Variants in ADAM7 observed in about 807,000 individuals in gnomAD.
ADAM7 encodes ADAM metallopeptidase domain 7.
Under a neutral mutation model 102.9 loss-of-function variants are expected in ADAM7, and 97 were observed. The ratio of observed to expected loss-of-function variants is 0.94; its 90% CI spans 0.80 to 1.12. The LOEUF (loss-of-function observed/expected upper bound fraction) is 1.12, where lower values mean the gene tolerates loss of function less well. Among genes scored for constraint, ADAM7 ranks in the 50% most tolerant of loss-of-function variants. ADAM7 has a pLI of 0.00. For synonymous variants in ADAM7, 334 were observed against 304.4 expected (o/e 1.10, Z -1.01); for missense variants, 991 against 908.7 (o/e 1.09, Z -1.16).
chr8:24,486,102 T>A (rs1051268538), intron 10 of ADAM7, among the ~76,000 whole-genome samples: 11 of 152,216 alleles, frequency 7.2e-5, no homozygotes, highest in African/African-American at 2.7e-4. Context: ...ATCTGATATA[T>A]GCTGTTAGAT....
intron 12 of ADAM7, chr8:24,490,570 T>G (rs1382996159): frequency 2.7e-5 from 13 of 478,754 alleles, no homozygotes; most frequent in Admixed American, 1.8e-4. Flanking sequence ...TCTAATTCTG[T>G]CAATGAGAAT....
intron 3 of ADAM7, among the ~76,000 whole-genome samples, chr8:24,458,842 T>C (rs1486033041): frequency 3.3e-5 from 5 of 152,184 alleles, no homozygotes; most frequent in African/African-American, 1.2e-4. Flanking sequence ...AAGTATTCTG[T>C]CTGAATCCAT....
chr8:24,441,162 T>C lies in ADAM7; in HGVS notation c.52+2T>C, dbSNP rs770032416. Reference sequence around the variant, plus strand: ...TTTTACTCATTCCTCAGGTTAAAGGTATGTCTTGCTCTTTTTATCAGGACT... The same window carrying C: ...TTTTACTCATTCCTCAGGTTAAAGGCATGTCTTGCTCTTTTTATCAGGACT... On this transcript the variant is annotated splice_donor_variant, in intron 1 of 21. Transcript: ENST00000175238. LOFTEE classifies it high-confidence loss of function. 6.2e-7 allele frequency: 1 copy of C among 1,611,284 alleles called. No homozygotes were observed. Among genetic ancestry groups the C allele is most frequent in the Admixed American group, 1.7e-5 (1 of 60,010 alleles).
chr8:24,490,990 A>G (rs1820328541), intron 13 of ADAM7, 102 bp downstream of exon 13: 1 of 1,146,664 alleles, frequency 8.7e-7, no homozygotes, highest in African/African-American at 1.6e-5. Context: ...ACTGACTCCA[A>G]AATGAAGCTA....
intron 20 of ADAM7, among the ~76,000 whole-genome samples, chr8:24,502,615 A>T (rs778046506): frequency 6.6e-6 from 1 of 152,092 alleles, no homozygotes; most frequent in Non-Finnish European, 1.5e-5. Context: ...GAAAAACCTT[A>T]TTTTAATAGT....
At chr8:24,503,025 ATAG>A (rs1820816364) in intron 20 of ADAM7, among the ~76,000 whole-genome samples, 2 of 152,184 alleles carry the variant, frequency 1.3e-5, no homozygotes, top group Non-Finnish European at 2.9e-5. Flanking sequence ...ATGATCATAT[ATAG>A]AGGATAATGA....
chr8:24,496,693 A>G (rs931382819), intron 16 of ADAM7, among the ~76,000 whole-genome samples: 2 of 152,220 alleles, frequency 1.3e-5, no homozygotes, highest in African/African-American at 4.8e-5. Context: ...CATGGGGCCT[A>G]TTAGCCCCTT....
intron 20 of ADAM7, among the ~76,000 whole-genome samples, chr8:24,505,890 G>A (rs1820933754): frequency 6.6e-6 from 1 of 152,098 alleles, no homozygotes; most frequent in Non-Finnish European, 1.5e-5. Context: ...AGATTTGGTG[G>A]CTAGCAGACC....
intron 2 of ADAM7, among the ~76,000 whole-genome samples, chr8:24,445,135 GCCA>G (rs1385443582): frequency 1.3e-5 from 2 of 151,938 alleles, no homozygotes; most frequent in South Asian, 4.2e-4. Flanking sequence ...AAGTTCCATT[GCCA>G]CCATTACACC....
intron 3 of ADAM7, among the ~76,000 whole-genome samples, chr8:24,461,371 T>C (rs1303200999): frequency 1.3e-5 from 2 of 152,144 alleles, no homozygotes; most frequent in Non-Finnish European, 2.9e-5. Context: ...AATGGAATGT[T>C]AATGGTTGTA....
At chr8:24,481,670 C>G (rs1819956341) in intron 8 of ADAM7, among the ~76,000 whole-genome samples, 1 of 152,158 alleles carries the variant, frequency 6.6e-6, no homozygotes, top group Non-Finnish European at 1.5e-5. Context: ...AAGGTAGTTA[C>G]AAAATTCAAA....
intron 16 of ADAM7, among the ~76,000 whole-genome samples, chr8:24,494,720 A>G (rs1455921915): frequency 6.6e-6 from 1 of 152,152 alleles, no homozygotes; most frequent in Non-Finnish European, 1.5e-5. Context: ...GTGAAAAAAA[A>G]ATCTCTTTTT....
intron 3 of ADAM7, among the ~76,000 whole-genome samples, chr8:24,456,632 A>ATT (rs71212541): frequency 4.1e-4 from 56 of 137,008 alleles, no homozygotes; most frequent in African/African-American, 1.2e-3. Flanking sequence ...TGTCCTGGGA[A>ATT]TTTTTTTTTT....
chr8:24,463,578 T>C (rs1302847167), intron 3 of ADAM7, among the ~76,000 whole-genome samples: 3 of 152,184 alleles, frequency 2.0e-5, no homozygotes, highest in African/African-American at 7.2e-5. Context: ...TGCATGTTTT[T>C]TGCATTAATT....
intron 3 of ADAM7, among the ~76,000 whole-genome samples, chr8:24,455,800 TTATG>T (rs946977128): frequency 6.6e-6 from 1 of 152,196 alleles, no homozygotes; most frequent in Non-Finnish European, 1.5e-5. Flanking sequence ...TTGTTGAATT[TTATG>T]TATGTATGTA....
rs1353447692 is a variant in ADAM7, at chr8:24,479,196, G to C, written c.705+2692G>C. Among the ~76,000 whole-genome samples the C allele has an allele frequency of 2.0e-5, 3 of 152,066 alleles. No homozygotes were observed. In the East Asian group the frequency reaches 5.8e-4, roughly 29 times the overall value. ...CCTTCTAGCCTAGTTATGGGGTCCA[G>C]AGCATGTTCTATCATCCTGATTTAA... is the stretch of plus-strand genomic sequence containing the variant. On this transcript the variant is annotated intron_variant, in intron 8 of 21. Transcript: ENST00000175238.
chr8:24,467,061 T>G, intron 6 of ADAM7, 73 bp downstream of exon 6: 1 of 1,392,328 alleles, frequency 7.2e-7, no homozygotes, highest in Non-Finnish European at 1.0e-6. Context: ...AGGGATAAAG[T>G]ATGAGTCCAG....
chr8:24,446,679 G>C (rs904810611), intron 2 of ADAM7, among the ~76,000 whole-genome samples: 2 of 151,748 alleles, frequency 1.3e-5, no homozygotes, highest in East Asian at 3.9e-4. Flanking sequence ...GTGCAAAGTA[G>C]ACGAAAAAAC....
chr8:24,475,763 C>T, intron 7 of ADAM7: 4 of 190,206 alleles, frequency 2.1e-5, no homozygotes, highest in East Asian at 2.9e-4. Flanking sequence ...TGCATTTATC[C>T]CTACAGGACA....
Sources: gnomAD v4.1 joint callset for allele counts (sites outside exome capture counted in the v4.1 genomes callset) on GRCh38, gnomAD v4.1.1 for gene constraint, MANE v1.5 for transcripts, NCBI Gene and HGNC (gene_info 2026-07-23, HGNC 2026-07-21) for gene names.